Variants in KCNIP4 observed in about 807,000 individuals in gnomAD.
The protein encoded by KCNIP4 is potassium voltage-gated channel interacting protein 4.
KCNIP4 carries 12 observed loss-of-function variants against 34.0 expected under a neutral mutation model. The observed-to-expected ratio is 0.35, with a 90% confidence interval of 0.23 to 0.57. The LOEUF (loss-of-function observed/expected upper bound fraction) is 0.57. Among genes scored for constraint, KCNIP4 ranks in the 20% least tolerant of loss-of-function variants. The pLI, the probability that KCNIP4 is intolerant of heterozygous loss-of-function variation, is 0.83. For missense variants in KCNIP4, 238 were observed against 311.7 expected, an observed-to-expected ratio of 0.76 and a Z score of 1.78; for synonymous variants, 124 against 102.2, an observed-to-expected ratio of 1.21 and a Z score of -1.29.
At chr4:20,864,113 CATATCCATGTATACACATGTATGTAT>C (rs1560525267) in intron 2 of KCNIP4, among the ~76,000 whole-genome samples, 3,306 of 147,344 alleles carry the variant, frequency 0.022, 39 homozygotes, top group Middle Eastern at 0.036. Context: ...TGTATGTATA[CATATCCATGTATACACATGTATGTAT>C]ACATATCCAT....
chr4:21,920,433 C>T (rs1728875949), intron 1 of KCNIP4, among the ~76,000 whole-genome samples: 1 of 152,056 alleles, frequency 6.6e-6, no homozygotes, highest in African/African-American at 2.4e-5. Context: ...TTCAAGTATA[C>T]AGAGTGATAT....
intron 1 of KCNIP4, among the ~76,000 whole-genome samples, chr4:21,192,082 A>G (rs1755689875): frequency 6.6e-6 from 1 of 152,228 alleles, no homozygotes; most frequent in Non-Finnish European, 1.5e-5. Context: ...TGAGACACTT[A>G]CAAGCAGACA....
At chr4:21,260,866 C>A (rs1761424806) in intron 1 of KCNIP4, among the ~76,000 whole-genome samples, 1 of 152,160 alleles carries the variant, frequency 6.6e-6, no homozygotes, top group African/African-American at 2.4e-5. Flanking sequence ...TAAGATCAAA[C>A]AGATAAGCAG....
At chr4:21,345,506 G>A (rs1717202206) in intron 1 of KCNIP4, among the ~76,000 whole-genome samples, 1 of 152,066 alleles carries the variant, frequency 6.6e-6, no homozygotes, top group South Asian at 2.1e-4. Flanking sequence ...CACATCACAG[G>A]CAATTCTGAT....
At chr4:21,621,952 T>G (rs1291191231) in intron 1 of KCNIP4, among the ~76,000 whole-genome samples, 1 of 152,086 alleles carries the variant, frequency 6.6e-6, no homozygotes, top group Non-Finnish European at 1.5e-5. Context: ...AAGAAGAACC[T>G]AAAGGGATCC....
At chr4:20,770,474 CAA>C (rs11371014) in intron 3 of KCNIP4, among the ~76,000 whole-genome samples, 1 of 146,090 alleles carries the variant, frequency 6.8e-6, no homozygotes. Context: ...TAATATTGAC[CAA>C]AAAAAAAAAT....
intron 1 of KCNIP4, among the ~76,000 whole-genome samples, chr4:21,415,697 G>T (rs1015639464): frequency 6.6e-6 from 1 of 152,062 alleles, no homozygotes; most frequent in Non-Finnish European, 1.5e-5. Context: ...GTGGGACTTT[G>T]TCTCAAACAA....
At chr4:21,341,951 G>T (rs932628739) in intron 1 of KCNIP4, among the ~76,000 whole-genome samples, 2 of 152,086 alleles carry the variant, frequency 1.3e-5, no homozygotes, top group Admixed American at 1.3e-4. Flanking sequence ...AATCAACAAG[G>T]TGCTATTTGG....
At chr4:20,808,467 G>A (rs146888560) in intron 3 of KCNIP4, among the ~76,000 whole-genome samples, 2 of 152,154 alleles carry the variant, frequency 1.3e-5, no homozygotes, top group Admixed American at 6.5e-5. Flanking sequence ...GGATTGATAA[G>A]TAGATTCATC....
chr4:21,249,139 G>C (rs1011114411), intron 1 of KCNIP4, among the ~76,000 whole-genome samples: 3 of 152,130 alleles, frequency 2.0e-5, no homozygotes, highest in African/African-American at 7.2e-5. Context: ...TCAACAGTAA[G>C]AAGGGGGCTA....
intron 1 of KCNIP4, among the ~76,000 whole-genome samples, chr4:21,019,435 G>C (rs546805684): frequency 1.5e-3 from 221 of 152,312 alleles, no homozygotes; most frequent in Non-Finnish European, 2.5e-3. Flanking sequence ...TGGGATTACA[G>C]GCGTGAGCCA....
chr4:21,504,736 A>G (rs527708079), intron 1 of KCNIP4, among the ~76,000 whole-genome samples: 2 of 152,256 alleles, frequency 1.3e-5, no homozygotes, highest in African/African-American at 4.8e-5. Flanking sequence ...CTATCAGATG[A>G]TATTTTAGAT....
chr4:21,405,532 CTG>C (rs1232346278), intron 1 of KCNIP4, among the ~76,000 whole-genome samples: 1 of 152,192 alleles, frequency 6.6e-6, no homozygotes, highest in Non-Finnish European at 1.5e-5. Context: ...AGACTGCAGT[CTG>C]TGGATTCCCA....
chr4:21,870,293 T>TCCC (rs1725710025), intron 1 of KCNIP4, among the ~76,000 whole-genome samples: 1 of 152,058 alleles, frequency 6.6e-6, no homozygotes, highest in Non-Finnish European at 1.5e-5. Context: ...GTGATGTACC[T>TCCC]CCCCCAATCT....
intron 1 of KCNIP4, among the ~76,000 whole-genome samples, chr4:20,907,491 T>C (rs1333529747): frequency 6.6e-6 from 1 of 152,174 alleles, no homozygotes; most frequent in Admixed American, 6.5e-5. Context: ...TATCAAAACA[T>C]ATTCAAAACT....
intron 1 of KCNIP4, among the ~76,000 whole-genome samples, chr4:21,603,845 A>G (rs183725827): frequency 7.2e-5 from 11 of 152,322 alleles, no homozygotes; most frequent in Admixed American, 6.5e-4. Flanking sequence ...TCTCATGTCT[A>G]AGGATTTGCA....
chr4:21,367,613 G>A (rs540027351), intron 1 of KCNIP4, among the ~76,000 whole-genome samples: 1 of 147,462 alleles, frequency 6.8e-6, no homozygotes, highest in African/African-American at 2.7e-5. Flanking sequence ...CATTCCAGTG[G>A]AATTTTGATA....
intron 3 of KCNIP4, among the ~76,000 whole-genome samples, chr4:20,760,231 C>T (rs1754841138): frequency 1.3e-5 from 2 of 152,100 alleles, no homozygotes; most frequent in South Asian, 4.1e-4. Context: ...GTTGTCACAG[C>T]ACTCCCACGC....
intron 1 of KCNIP4, among the ~76,000 whole-genome samples, chr4:21,429,953 C>T (rs936012216): frequency 2.6e-5 from 4 of 152,106 alleles, no homozygotes; most frequent in African/African-American, 4.8e-5. Context: ...GAGCATCTAT[C>T]TATTATCAGT....
Sources: allele counts gnomAD v4.1 joint callset (sites outside exome capture counted in the v4.1 genomes callset), GRCh38; gene constraint gnomAD v4.1.1; transcripts MANE v1.5; gene names NCBI Gene and HGNC (gene_info 2026-07-23, HGNC 2026-07-21).